Variants in DNAJC3 observed in about 807,000 individuals in gnomAD.
DNAJC3 encodes the protein DnaJ heat shock protein family (Hsp40) member C3.
A neutral mutation model predicts 68.6 loss-of-function variants in DNAJC3; 38 were observed. The ratio of observed to expected loss-of-function variants is 0.55; its 90% CI spans 0.43 to 0.73. The LOEUF (loss-of-function observed/expected upper bound fraction) is 0.73, where lower values mean the gene tolerates loss of function less well. Among genes scored for constraint, DNAJC3 ranks in the 30% least tolerant of loss-of-function variants. The pLI, the probability that DNAJC3 is intolerant of heterozygous loss-of-function variation, is 0.00. For synonymous variants in DNAJC3, 203 were observed against 204.0 expected, an observed-to-expected ratio of 1.00 and a Z score of 0.04; for missense variants, 526 against 591.9, an observed-to-expected ratio of 0.89 and a Z score of 1.16.
At chr13:95,690,211 C>T (rs1880191847) in intron 1 of DNAJC3, among the ~76,000 whole-genome samples, 1 of 151,956 alleles carries the variant, frequency 6.6e-6, no homozygotes, top group Admixed American at 6.5e-5. Context: ...TGCCTTCAAG[C>T]ATCTGTTTAA....
At chr13:95,762,096 C>G (rs1411066460) in intron 7 of DNAJC3, among the ~76,000 whole-genome samples, 1 of 152,130 alleles carries the variant, frequency 6.6e-6, no homozygotes, top group African/African-American at 2.4e-5. Context: ...AACCCTGTCT[C>G]TACTAAAAAT....
Position 95,723,239 on chromosome 13 carries a change from C to A in DNAJC3, c.194-3C>A. ...TAAGAGGTAATATTATTTTAATTTT[C>A]AGATGGTGACCCTGATAACTATATT... is the stretch of plus-strand genomic sequence containing the variant. On this transcript the variant is annotated splice_polypyrimidine_tract_variant and splice_region_variant and intron_variant, in intron 2 of 11. Coordinates refer to ENST00000602402, the MANE Select transcript of DNAJC3 (RefSeq NM_006260.5). The A allele has an allele frequency of 6.4e-7, 1 of 1,571,106 alleles. No homozygotes were observed. Among genetic ancestry groups the A allele is most frequent in the Non-Finnish European group, 8.6e-7 (1 of 1,158,186 alleles).
intron 2 of DNAJC3, among the ~76,000 whole-genome samples, chr13:95,710,844 G>C (rs1566477668): frequency 6.6e-6 from 1 of 151,938 alleles, no homozygotes; most frequent in East Asian, 1.9e-4. Flanking sequence ...ATGCCATCAT[G>C]CCCAGCTAAT....
intron 1 of DNAJC3, among the ~76,000 whole-genome samples, chr13:95,681,270 C>CT (rs1213064511): frequency 6.6e-6 from 1 of 152,232 alleles, no homozygotes. Context: ...ACTTGGCCAA[C>CT]TGTTTTTATA....
intron 9 of DNAJC3, among the ~76,000 whole-genome samples, chr13:95,773,709 A>G (rs57893781): frequency 0.014 from 2,096 of 149,792 alleles, 58 homozygotes; most frequent in African/African-American, 0.049. Context: ...ATTGTAGACA[A>G]AGTTTGGTCA....
At chr13:95,707,514 C>A (rs576941532) in intron 1 of DNAJC3, among the ~76,000 whole-genome samples, 1 of 152,282 alleles carries the variant, frequency 6.6e-6, no homozygotes, top group African/African-American at 2.4e-5. Context: ...CATTTCATCT[C>A]CCATTGGCGA....
intron 2 of DNAJC3, among the ~76,000 whole-genome samples, chr13:95,714,833 T>C (rs1881088114): frequency 6.6e-6 from 1 of 152,248 alleles, no homozygotes; most frequent in Non-Finnish European, 1.5e-5. Flanking sequence ...ATTTTATACT[T>C]TATTGTTTGT....
In DNAJC3 at chr13:95,685,673, T is replaced by G. The variant is rs77020035; in HGVS notation, c.82+8336T>G. 1.8e-4 allele frequency among the ~76,000 whole-genome samples: 27 copies of G among 152,144 alleles called. No individual in the cohort carries two copies. In the East Asian group the frequency reaches 5.0e-3, roughly 28 times the overall value. Reference sequence around the variant, plus strand: ...AATCCCTAATGTTGGAGTTGGGGCTTGGTGGTAGGTTTTTTGTTTTTTTTT... The same window carrying G: ...AATCCCTAATGTTGGAGTTGGGGCTGGGTGGTAGGTTTTTTGTTTTTTTTT... On this transcript the variant is annotated intron_variant, in intron 1 of 11. Coordinates refer to ENST00000602402, the MANE Select transcript of DNAJC3 (RefSeq NM_006260.5).
intron 4 of DNAJC3, chr13:95,742,586 A>T: frequency 2.1e-6 from 1 of 473,870 alleles, no homozygotes; most frequent in South Asian, 1.6e-5. Flanking sequence ...TTGGGCTCTT[A>T]TCCCAGCCAA....
chr13:95,712,079 CAGTATT>C (rs1593970602), intron 2 of DNAJC3, among the ~76,000 whole-genome samples: 6 of 152,130 alleles, frequency 3.9e-5, no homozygotes, highest in Admixed American at 3.9e-4. Context: ...ATTCAAAAGT[CAGTATT>C]AGTCATCACA....
chr13:95,691,908 A>G (rs1376885330), intron 1 of DNAJC3, among the ~76,000 whole-genome samples: 3 of 152,190 alleles, frequency 2.0e-5, no homozygotes, highest in Admixed American at 2.0e-4. Context: ...TACGAAAACC[A>G]GTCAGGCGTG....
intron 7 of DNAJC3, among the ~76,000 whole-genome samples, chr13:95,761,753 A>G (rs1181231888): frequency 6.6e-6 from 1 of 151,654 alleles, no homozygotes; most frequent in Non-Finnish European, 1.5e-5. Flanking sequence ...CATACAATGT[A>G]TAAACTTTTG....
rs775216605 is a variant in DNAJC3, at chr13:95,791,033, C to CAACT, written c.*4_*7dup. ...GATTTAAATTCCACTTCAATTAAAC[C>CAACT]AACTGTTTTTCTGCTCTTCTTAATT... On this transcript the variant is annotated 3_prime_UTR_variant, in exon 12 of 12. Coordinates refer to ENST00000602402, the MANE Select transcript of DNAJC3 (RefSeq NM_006260.5). 6 of 1,613,092 alleles carry CAACT rather than the reference C, an allele frequency of 3.7e-6. No homozygotes were observed. Among genetic ancestry groups the CAACT allele is most frequent in the Non-Finnish European group, 2.5e-6 (3 of 1,179,714 alleles).
At chr13:95,692,762 C>T (rs1483200850) in intron 1 of DNAJC3, 3 of 151,814 alleles carry the variant, frequency 2.0e-5, no homozygotes, top group Non-Finnish European at 4.4e-5. Context: ...CTAGACCTTA[C>T]AATACTCACA....
chr13:95,752,288 A>G (rs1882503419), intron 4 of DNAJC3, among the ~76,000 whole-genome samples: 1 of 152,238 alleles, frequency 6.6e-6, no homozygotes, highest in Admixed American at 6.5e-5. Context: ...AGAAATTAAA[A>G]TAACTTAATG....
At position 95,737,612 on chromosome 13, in the gene DNAJC3, G is replaced by C. The variant is rs924704698; in HGVS notation, c.393+12360G>C. Among the ~76,000 whole-genome samples the C allele has an allele frequency of 9.2e-5, 14 of 152,056 alleles. No individual in the cohort carries two copies. The East Asian group carries it at 2.7e-3, about 29-fold the overall frequency. On this transcript the variant is annotated intron_variant, in intron 4 of 11. Coordinates refer to ENST00000602402, the MANE Select transcript of DNAJC3 (RefSeq NM_006260.5). ...AGATTTTCTAGTTTATTTGCGTAGA[G>C]GTGTTTGTAGTATTCTCTGATGGTA... is the stretch of plus-strand genomic sequence containing the variant.
chr13:95,734,008 T>C (rs888851121), intron 4 of DNAJC3, among the ~76,000 whole-genome samples: 1 of 152,198 alleles, frequency 6.6e-6, no homozygotes. Context: ...GTTTGTTGTT[T>C]TCTGGATGTT....
At chr13:95,700,252 C>T (rs1042555577) in intron 1 of DNAJC3, among the ~76,000 whole-genome samples, 9 of 152,118 alleles carry the variant, frequency 5.9e-5, no homozygotes, top group Admixed American at 6.5e-5. Context: ...AGCTCACCTA[C>T]CAGGCACCTT....
intron 11 of DNAJC3, among the ~76,000 whole-genome samples, chr13:95,788,577 T>G (rs1294713259): frequency 6.6e-6 from 1 of 152,248 alleles, no homozygotes; most frequent in African/African-American, 2.4e-5. Context: ...TATGCCAATC[T>G]GAAACTTAAT....
Sources: gnomAD v4.1 joint callset for allele counts (sites outside exome capture counted in the v4.1 genomes callset) on GRCh38, gnomAD v4.1.1 for gene constraint, MANE v1.5 for transcripts, NCBI Gene and HGNC (gene_info 2026-07-23, HGNC 2026-07-21) for gene names.